Variants in ACTR3C observed in about 807,000 individuals in gnomAD.
The protein encoded by ACTR3C is actin-related protein 3C.
A neutral mutation model predicts 26.3 loss-of-function variants in ACTR3C; 18 were observed. That is an observed-to-expected ratio of 0.68 (90% CI 0.47 to 1.01). The LOEUF (loss-of-function observed/expected upper bound fraction) is 1.01, where lower values mean the gene tolerates loss of function less well. ACTR3C is among the 50% of genes least tolerant of loss of function. The pLI, the probability that ACTR3C is intolerant of heterozygous loss-of-function variation, is 0.00. For synonymous variants in ACTR3C, 55 were observed against 94.5 expected, an observed-to-expected ratio of 0.58 and a Z score of 2.42; for missense variants, 184 against 250.7, an observed-to-expected ratio of 0.73 and a Z score of 1.80.
the ACTR3C span, among the ~76,000 whole-genome samples, chr7:150,167,152 T>C: frequency 6.6e-6 from 1 of 150,468 alleles, no homozygotes; most frequent in African/African-American, 2.5e-5. Flanking sequence ...CATACCAATT[T>C]CTTTTGTTTT....
chr7:150,256,512 A>G (rs982061544), intron 6 of ACTR3C, among the ~76,000 whole-genome samples: 1 of 152,236 alleles, frequency 6.6e-6, no homozygotes, highest in Non-Finnish European at 1.5e-5. Flanking sequence ...GGAACAGAAA[A>G]CCAAATACCG....
At chr7:149,888,794 G>A in the ACTR3C span, among the ~76,000 whole-genome samples, 1 of 152,128 alleles carries the variant, frequency 6.6e-6, no homozygotes, top group Non-Finnish European at 1.5e-5. Context: ...GATCACCTGA[G>A]GTCAGGAGTT....
chr7:150,070,608 G>A, the ACTR3C span, among the ~76,000 whole-genome samples: 6,177 of 151,836 alleles, frequency 0.041, 398 homozygotes, highest in African/African-American at 0.14. Flanking sequence ...GCGCCGCCAC[G>A]CCTGGCTAAT....
At chr7:149,926,066 A>C in the ACTR3C span, among the ~76,000 whole-genome samples, 1 of 152,108 alleles carries the variant, frequency 6.6e-6, no homozygotes, top group African/African-American at 2.4e-5. Flanking sequence ...CTGTCTCAAA[A>C]AAACAGAAAA....
At chr7:150,298,255 TTAATCATTACCAAGAAC>T (rs1795114974) in intron 1 of ACTR3C, among the ~76,000 whole-genome samples, 1 of 150,078 alleles carries the variant, frequency 6.7e-6, no homozygotes, top group South Asian at 2.2e-4. Flanking sequence ...ATGAGTCCTT[TTAATCATTACCAAGAAC>T]ACACACCCAA....
intron 6 of ACTR3C, 50 bp downstream of exon 6, chr7:150,284,703 G>A (rs1211544527): frequency 7.0e-7 from 1 of 1,426,286 alleles, no homozygotes; most frequent in Non-Finnish European, 9.5e-7. Flanking sequence ...AGAATTATGG[G>A]CCTTTAATTG....
At chr7:149,894,418 C>T in the ACTR3C span, among the ~76,000 whole-genome samples, 1 of 152,058 alleles carries the variant, frequency 6.6e-6, no homozygotes. Context: ...AAGTCTTCTG[C>T]ACAGCAAAGA....
the ACTR3C span, among the ~76,000 whole-genome samples, chr7:150,106,141 G>C: frequency 6.6e-6 from 1 of 151,772 alleles, no homozygotes; most frequent in Non-Finnish European, 1.5e-5. Context: ...TATGTTTCCT[G>C]CAAGTCTAAA....
At chr7:150,097,438 A>G in the ACTR3C span, among the ~76,000 whole-genome samples, 2 of 151,644 alleles carry the variant, frequency 1.3e-5, no homozygotes, top group African/African-American at 4.9e-5. Context: ...TCCTGCAGCC[A>G]CTAGACTGCT....
chr7:149,989,382 T>C, the ACTR3C span, among the ~76,000 whole-genome samples: 979 of 152,318 alleles, frequency 6.4e-3, 5 homozygotes, highest in Admixed American at 0.029. Context: ...TGTTGTGCAA[T>C]TGATCTCAAA....
chr7:149,904,213 C>T, the ACTR3C span, among the ~76,000 whole-genome samples: 2 of 148,192 alleles, frequency 1.3e-5, no homozygotes, highest in Middle Eastern at 3.8e-3. Context: ...TGAACCACTG[C>T]GCCTGGCCTG....
the ACTR3C span, among the ~76,000 whole-genome samples, chr7:150,114,386 G>A: frequency 1.4e-4 from 21 of 151,478 alleles, no homozygotes; most frequent in South Asian, 4.2e-4. Context: ...CAAATACCTC[G>A]CTGGATCACA....
the ACTR3C span, among the ~76,000 whole-genome samples, chr7:150,201,730 T>G: frequency 2.6e-5 from 4 of 151,150 alleles, no homozygotes; most frequent in African/African-American, 4.9e-5. Context: ...TGTACTCCAG[T>G]CTCAGTGACA....
At chr7:149,989,519 C>T in the ACTR3C span, among the ~76,000 whole-genome samples, 1 of 152,162 alleles carries the variant, frequency 6.6e-6, no homozygotes, top group Admixed American at 6.5e-5. Context: ...ACACAAGTGA[C>T]ATAATGTGGT....
At chr7:150,323,441 C>T (rs555788583) in intron 1 of ACTR3C, 28 bp downstream of exon 1, 38 of 347,132 alleles carry the variant, frequency 1.1e-4, no homozygotes, top group African/African-American at 6.0e-4. Context: ...GGCCGCCAGG[C>T]GGCGGGCGGC....
At chr7:149,936,865 T>C in the ACTR3C span, among the ~76,000 whole-genome samples, 2 of 151,878 alleles carry the variant, frequency 1.3e-5, no homozygotes, top group African/African-American at 4.8e-5. Flanking sequence ...CAGGGCTCAC[T>C]GCCGCCTTGA....
the ACTR3C span, among the ~76,000 whole-genome samples, chr7:150,151,275 GAA>G: frequency 2.3e-4 from 31 of 137,134 alleles, 4 homozygotes; most frequent in African/African-American, 7.8e-4. Context: ...TATGTGGTGA[GAA>G]TATTAATTTA....
At chr7:150,108,634 T>A in the ACTR3C span, among the ~76,000 whole-genome samples, 15,726 of 139,740 alleles carry the variant, frequency 0.11, 1,219 homozygotes, top group African/African-American at 0.17. Flanking sequence ...TAATGTATTT[T>A]AAAAAATGGG....
At chr7:150,124,034 T>C in the ACTR3C span, among the ~76,000 whole-genome samples, 2 of 152,160 alleles carry the variant, frequency 1.3e-5, no homozygotes, top group Non-Finnish European at 2.9e-5. Context: ...AGTCCAGCAA[T>C]CAAGTCCCCA....
Sources: allele counts gnomAD v4.1 joint callset (sites outside exome capture counted in the v4.1 genomes callset), GRCh38; gene constraint gnomAD v4.1.1; transcripts MANE v1.5; gene names NCBI Gene and HGNC (gene_info 2026-07-23, HGNC 2026-07-21).